MAK: variants seen among roughly 807,000 people sequenced by gnomAD.
The protein encoded by MAK is serine/threonine-protein kinase MAK.
MAK carries 65 observed loss-of-function variants against 82.6 expected under a neutral mutation model. The ratio of observed to expected loss-of-function variants is 0.79; its 90% confidence interval spans 0.64 to 0.97. The LOEUF (loss-of-function observed/expected upper bound fraction) is 0.97, where lower values mean the gene tolerates loss of function less well. Among genes scored for constraint, MAK ranks in the 50% least tolerant of loss-of-function variants. The pLI, the probability that MAK is intolerant of heterozygous loss-of-function variation, is 0.00. For missense variants in MAK, 703 were observed against 780.2 expected (o/e 0.90, Z 1.18); for synonymous variants, 250 against 274.2 (o/e 0.91, Z 0.87).
chr6:10,781,119 G>A (rs1000498996), intron 11 of MAK, among the ~76,000 whole-genome samples: 3 of 152,088 alleles, frequency 2.0e-5, no homozygotes, highest in South Asian at 4.1e-4. Context: ...TCGGAGCACT[G>A]CTGAAATGCT....
chr6:10,776,740 T>C lies in MAK; in HGVS notation c.1466-1281A>G, dbSNP rs1397286589. 1.3e-5 allele frequency among the ~76,000 whole-genome samples: 2 copies of C among 152,220 alleles called. No individual in the cohort carries two copies. The highest frequency in any genetic ancestry group is 2.9e-5 in the Non-Finnish European group (2 of 68,036). On this transcript the variant is annotated intron_variant, in intron 11 of 14. Transcript: ENST00000354489. The surrounding 1 kb of genome is among the most constrained non-coding windows in gnomAD (Gnocchi z 4.3). Reference sequence around the variant, plus strand: ...CACTTCATCAGGCAAGTAATTTCCCTTTCTTTATAGGATATAACTTCCCTA... The same window carrying C: ...CACTTCATCAGGCAAGTAATTTCCCCTTCTTTATAGGATATAACTTCCCTA...
chr6:10,826,938 C>G (rs2127586339), intron 2 of MAK, among the ~76,000 whole-genome samples: 1 of 152,100 alleles, frequency 6.6e-6, no homozygotes, highest in East Asian at 1.9e-4. Flanking sequence ...ATGGAGAAAC[C>G]CCGTCTCTAC....
intron 5 of MAK, among the ~76,000 whole-genome samples, chr6:10,810,345 CTTTT>C (rs111859354): frequency 8.2e-6 from 1 of 121,664 alleles, no homozygotes; most frequent in Admixed American, 8.8e-5. Context: ...TTATCTTTTT[CTTTT>C]TTTTTTTTTT....
intron 1 of MAK, among the ~76,000 whole-genome samples, chr6:10,835,796 CA>C (rs1182697497): frequency 1.3e-5 from 2 of 151,812 alleles, no homozygotes; most frequent in Non-Finnish European, 2.9e-5. Flanking sequence ...AGTGGAAACA[CA>C]AAGAGTGACA....
rs139863181 is a variant in MAK, at chr6:10,837,417, C to T, written c.-230+1086G>A. On this transcript the variant is annotated intron_variant, in intron 1 of 14. Transcript: ENST00000354489. The stretch of plus-strand genomic sequence containing the variant: ...CCACCCCGACGAAGAGATTAAACGT[C>T]CTGCCCGGTGCCTGCAGTGGAAGCA... 3.4e-3 allele frequency among the ~76,000 whole-genome samples: 517 copies of T among 152,344 alleles called. 2 individuals are homozygous for T. The highest frequency in any genetic ancestry group is 0.011 in the African/African-American group (466 of 41,588).
intron 4 of MAK, among the ~76,000 whole-genome samples, chr6:10,817,129 A>AGTGTGT (rs60627741): frequency 0.023 from 3,444 of 149,462 alleles, 94 homozygotes; most frequent in African/African-American, 0.068. Flanking sequence ...CTTGAGCGAG[A>AGTGTGT]GTGTGTGTGT....
Position 10,829,641 on chromosome 6 carries a change from C to A in MAK, c.101+907G>T, listed in dbSNP as rs6908987. Among the ~76,000 whole-genome samples the A allele has an allele frequency of 9.7e-3, 1,477 of 152,214 alleles. 26 individuals carry two copies. Among genetic ancestry groups the A allele is most frequent in the African/African-American group, 0.034 (1,403 of 41,538 alleles). The stretch of plus-strand genomic sequence containing the variant: ...TCCAAAGATCACCTGTAGTTTTGGT[C>A]CAAATGTATTATACATATAAAAAAG... On this transcript the variant is annotated intron_variant, in intron 2 of 14. Coordinates refer to ENST00000354489, the MANE Select transcript of MAK (RefSeq NM_001242957.3).
Position 10,800,232 on chromosome 6 carries a change from C to T in MAK, c.831+1660G>A, listed in dbSNP as rs1053912492. Among the ~76,000 whole-genome samples the T allele has an allele frequency of 6.6e-6, 1 of 151,856 alleles. No homozygotes were observed. Among genetic ancestry groups the T allele is most frequent in the Non-Finnish European group, 1.5e-5 (1 of 67,976 alleles). On this transcript the variant is annotated intron_variant, in intron 8 of 14. Transcript: ENST00000354489. The surrounding 1 kb of genome is among the most constrained non-coding windows in gnomAD (Gnocchi z 4.2). Reference sequence around the variant, plus strand: ...AGTGAGTGGAGATCATGCCACTACACTCCAGCCTGGGCAACAGAAACTCCA... The same window carrying T: ...AGTGAGTGGAGATCATGCCACTACATTCCAGCCTGGGCAACAGAAACTCCA...
At chr6:10,789,479 C>G (rs1774891870) in intron 10 of MAK, among the ~76,000 whole-genome samples, 1 of 152,124 alleles carries the variant, frequency 6.6e-6, no homozygotes, top group African/African-American at 2.4e-5. Context: ...ATGCCTGAAA[C>G]CACAGATAGT....
chr6:10,773,746 C>T (rs1033802627), intron 12 of MAK, among the ~76,000 whole-genome samples: 1 of 145,472 alleles, frequency 6.9e-6, no homozygotes, highest in Non-Finnish European at 1.5e-5. Context: ...GGCTGGAGTG[C>T]AGTGGTGTGA....
chr6:10,815,912 G>GTATATATA lies in MAK; in HGVS notation c.278+1930_278+1937dup, dbSNP rs3064109. ...TACTGTATTAGTGTAGCTTTATACAGTATATATATATATATATATATATAT... is the reference window on the plus strand; with the variant it reads ...TACTGTATTAGTGTAGCTTTATACAGTATATATATATATATATATATATATATATATAT... On this transcript the variant is annotated intron_variant, in intron 4 of 14. Coordinates refer to ENST00000354489, the MANE Select transcript of MAK (RefSeq NM_001242957.3). Among the ~76,000 whole-genome samples the GTATATATA allele has an allele frequency of 8.7e-3, 942 of 108,018 alleles. 7 individuals are homozygous for GTATATATA. Among genetic ancestry groups the GTATATATA allele is most frequent in the Middle Eastern group, 0.016 (3 of 192 alleles). 70.9% of individuals were successfully genotyped at this position (108,018 alleles called of 152,430 possible).
Position 10,803,782 on chromosome 6 carries a change from G to A in MAK, c.601C>T (p.Pro201Ser). The change falls in exon 7 of 15, where the codon CCA (proline) becomes TCA (serine). Residue 201 changes from proline (P) to serine (S), a missense_variant. Physicochemically the swap from Pro to Ser is moderately conservative, Grantham distance 74. Transcript: ENST00000354489. ...AELYMLRPLF[P>S]GTSEVDEIFK... Reference sequence around the variant, plus strand: ...ATTTCATCGACCTCACTTGTCCCTGGGAAAAGTGGCCTTAACATATAGAGT... The same window carrying A: ...ATTTCATCGACCTCACTTGTCCCTGAGAAAAGTGGCCTTAACATATAGAGT... 1.9e-6 allele frequency: 3 copies of A among 1,613,998 alleles called. No individual in the cohort carries two copies. Among genetic ancestry groups the A allele is most frequent in the Non-Finnish European group, 2.5e-6 (3 of 1,179,996 alleles).
Position 10,830,762 on chromosome 6 carries a change from C to T in MAK, c.-114G>A. On this transcript the variant is annotated 5_prime_UTR_variant, in exon 2 of 15. In the 5' UTR this introduces an upstream ATG that the reference lacks. Coordinates refer to ENST00000354489, the MANE Select transcript of MAK (RefSeq NM_001242957.3). The stretch of plus-strand genomic sequence containing the variant: ...TTGTCCTCACACTGTTGTTGCTACA[C>T]TGGTGACAGGTTTGTCATCATTAAA... 1.2e-6 allele frequency: 1 copy of T among 802,676 alleles called. No homozygotes were observed. Among genetic ancestry groups the T allele is most frequent in the South Asian group, 1.4e-5 (1 of 70,118 alleles). The allele number at this position is 802,676 out of a possible 1,614,324, so 49.7% of individuals were successfully genotyped here.
At chr6:10,806,061 G>A (rs562608318) in intron 6 of MAK, among the ~76,000 whole-genome samples, 16 of 152,128 alleles carry the variant, frequency 1.1e-4, no homozygotes, top group Non-Finnish European at 2.1e-4. Context: ...TCTTTTTCAG[G>A]CAAGATGAAA....
intron 12 of MAK, 27 bp from the exon 13 acceptor site, chr6:10,773,135 G>A (rs1341784344): frequency 8.2e-7 from 1 of 1,219,406 alleles, no homozygotes; most frequent in Non-Finnish European, 1.2e-6. Context: ...TGGAAAGAAA[G>A]AATAATAGTA....
At chr6:10,775,190 AG>A in intron 12 of MAK, 137 bp downstream of exon 12, 1 of 952,448 alleles carries the variant, frequency 1.0e-6, no homozygotes, top group Non-Finnish European at 1.7e-6. Flanking sequence ...GGCTACCCAT[AG>A]GCAGAGTGTA....
Position 10,800,182 on chromosome 6 carries a change from C to T in MAK, c.831+1710G>A, listed in dbSNP as rs943343501. ...TCGGGAGGCTGAGGCAGGAGAATCGCCTGAACCCAGGAGGCGGAGGTTGCA... is the reference window on the plus strand; with the variant it reads ...TCGGGAGGCTGAGGCAGGAGAATCGTCTGAACCCAGGAGGCGGAGGTTGCA... On this transcript the variant is annotated intron_variant, in intron 8 of 14. Coordinates refer to ENST00000354489, the MANE Select transcript of MAK (RefSeq NM_001242957.3). The surrounding 1 kb of genome is among the most constrained non-coding windows in gnomAD (Gnocchi z 4.2). Among the ~76,000 whole-genome samples, 2 of 152,180 alleles carry T rather than the reference C, an allele frequency of 1.3e-5. No individual in the cohort carries two copies. The highest frequency in any genetic ancestry group is 4.8e-5 in the African/African-American group (2 of 41,522).
At chr6:10,791,965 G>A (rs536526342) in intron 9 of MAK, 118 bp from the exon 10 acceptor site, 48 of 1,017,130 alleles carry the variant, frequency 4.7e-5, no homozygotes, top group Admixed American at 2.0e-4. Flanking sequence ...TTCCATACAT[G>A]TAAGGGCATA....
At chr6:10,824,257 A>G (rs759944977) in intron 2 of MAK, among the ~76,000 whole-genome samples, 1 of 152,352 alleles carries the variant, frequency 6.6e-6, no homozygotes, top group Non-Finnish European at 1.5e-5. Context: ...GTCTTACCAC[A>G]GTTACCATAA....
Sources: allele counts gnomAD v4.1 joint callset (sites outside exome capture counted in the v4.1 genomes callset), GRCh38; gene constraint gnomAD v4.1.1; non-coding constraint Gnocchi (gnomAD v3.1); transcripts MANE v1.5; gene names NCBI Gene and HGNC (gene_info 2026-07-23, HGNC 2026-07-21).